Variants in MAPK14 observed in about 807,000 individuals in gnomAD.
MAPK14 encodes the protein mitogen-activated protein kinase 14.
Under a neutral mutation model 49.6 loss-of-function variants are expected in MAPK14, and 16 were observed. The ratio of observed to expected loss-of-function variants is 0.32; its 90% CI spans 0.22 to 0.49. MAPK14 has a LOEUF of 0.49. Ranked by LOEUF, MAPK14 falls within the 20% of genes least tolerant of loss-of-function variation. The pLI is 0.99. For synonymous variants in MAPK14, 142 were observed against 158.0 expected, an observed-to-expected ratio of 0.90 and a Z score of 0.76; for missense variants, 200 against 441.2, an observed-to-expected ratio of 0.45 and a Z score of 4.90.
intron 8 of MAPK14, among the ~76,000 whole-genome samples, chr6:36,086,384 A>G (rs1428831760): frequency 1.3e-5 from 2 of 152,202 alleles, no homozygotes; most frequent in African/African-American, 2.4e-5. Flanking sequence ...TATTTTGAAA[A>G]ACATAAAATA....
At chr6:36,101,680 AT>A (rs1244513760) in intron 9 of MAPK14, among the ~76,000 whole-genome samples, 1 of 151,770 alleles carries the variant, frequency 6.6e-6, no homozygotes, top group Non-Finnish European at 1.5e-5. Flanking sequence ...CACCTGGCTA[AT>A]TTTTTGTATT....
chr6:36,062,692 C>G (rs1181481086), intron 3 of MAPK14, among the ~76,000 whole-genome samples: 1 of 132,230 alleles, frequency 7.6e-6, no homozygotes, highest in African/African-American at 2.8e-5. Flanking sequence ...GAGTCTCGCT[C>G]TGTCACCCAG....
chr6:36,080,848 CTT>C (rs533883657), intron 8 of MAPK14, among the ~76,000 whole-genome samples: 1 of 142,856 alleles, frequency 7.0e-6, no homozygotes. Flanking sequence ...CAAACTTGTT[CTT>C]TTTTTTTTTT....
chr6:36,039,995 C>CAA (rs535039133), intron 1 of MAPK14, among the ~76,000 whole-genome samples: 1 of 81,706 alleles, frequency 1.2e-5, no homozygotes, highest in Non-Finnish European at 2.7e-5. Context: ...GACTCAGTCT[C>CAA]AAAAAAAAAA....
intron 3 of MAPK14, among the ~76,000 whole-genome samples, chr6:36,069,385 C>T (rs1014755383): frequency 6.6e-6 from 1 of 152,128 alleles, no homozygotes; most frequent in Non-Finnish European, 1.5e-5. Context: ...TTTTGAAAAT[C>T]TTTCTATATG....
intron 7 of MAPK14, 127 bp downstream of exon 7, chr6:36,076,089 C>G (rs926072864): frequency 1.9e-5 from 18 of 956,416 alleles, no homozygotes; most frequent in East Asian, 1.3e-4. Flanking sequence ...CCTTTTAAAG[C>G]CTGCAAGTAA....
the MAPK14 span, among the ~76,000 whole-genome samples, chr6:36,120,113 A>G: frequency 6.6e-6 from 1 of 152,160 alleles, no homozygotes; most frequent in Non-Finnish European, 1.5e-5. Context: ...TTGCTTGATC[A>G]ATCGGGGCCT....
At chr6:36,036,550 C>G (rs1303830177) in intron 1 of MAPK14, among the ~76,000 whole-genome samples, 2 of 151,710 alleles carry the variant, frequency 1.3e-5, no homozygotes, top group South Asian at 4.2e-4. Context: ...AGCAATTCAC[C>G]GTTGTCTTAT....
intron 3 of MAPK14, among the ~76,000 whole-genome samples, chr6:36,064,543 A>G (rs1044974396): frequency 6.6e-6 from 1 of 152,178 alleles, no homozygotes; most frequent in Non-Finnish European, 1.5e-5. Flanking sequence ...GGGAAGACCT[A>G]CAACAAGGCT....
chr6:36,107,727 G>C lies in MAPK14; in HGVS notation c.1015+99G>C, dbSNP rs1765841095. ...CATAACCAACTTGCTAAAGCTTGTA[G>C]ATGAGGTCTCTAATGCAGAATGAAT... On this transcript the variant is annotated intron_variant, in intron 11 of 11. Transcript: ENST00000229794. This position sits in a 1 kb window ranked among gnomAD's most constrained non-coding sequence, Gnocchi z 4.3. 1.3e-6 allele frequency: 1 copy of C among 786,898 alleles called. No individual in the cohort carries two copies. Among genetic ancestry groups the C allele is most frequent in the African/African-American group, 1.8e-5 (1 of 56,988 alleles). The allele number at this position is 786,898 out of a possible 1,614,324, so 48.7% of individuals were successfully genotyped here. A position where few individuals can be genotyped will look rare whatever the true frequency, so the allele number is the denominator to read the frequency against.
intron 1 of MAPK14, among the ~76,000 whole-genome samples, chr6:36,046,734 G>A (rs2127409980): frequency 6.6e-6 from 1 of 152,276 alleles, no homozygotes; most frequent in Non-Finnish European, 1.5e-5. Context: ...CCTGCCTTTT[G>A]CTGAATAGAT....
At chr6:36,118,378 G>C in the MAPK14 span, among the ~76,000 whole-genome samples, 2 of 152,182 alleles carry the variant, frequency 1.3e-5, no homozygotes, top group South Asian at 2.1e-4. Context: ...GGAGTTGTTC[G>C]TTGTTTTCAT....
Position 36,028,329 on chromosome 6 carries a change from G to C in MAPK14, c.116+56G>C, listed in dbSNP as rs1339562823. ...GGCAGGGTGGCCCCTCGCGCCCGAG[G>C]GCCAGGCCTGCTCCACTGCTCAGCG... On this transcript the variant is annotated intron_variant, in intron 1 of 11. Transcript: ENST00000229794. This position sits in a 1 kb window ranked among gnomAD's most constrained non-coding sequence, Gnocchi z 5.1. The C allele has an allele frequency of 1.6e-6, 2 of 1,247,626 alleles. No homozygotes were observed. The highest frequency in any genetic ancestry group is 2.4e-6 in the Non-Finnish European group (2 of 850,400). 77.3% of individuals were successfully genotyped at this position (1,247,626 alleles called of 1,614,324 possible).
At chr6:36,052,615 A>G in intron 1 of MAPK14, 84 bp from the exon 2 acceptor site, 1 of 1,324,686 alleles carries the variant, frequency 7.5e-7, no homozygotes. Flanking sequence ...AGACCCTTTA[A>G]TTTGGAAATA....
chr6:36,039,963 T>G lies in MAPK14; in HGVS notation c.116+11690T>G, dbSNP rs1180469161. Among the ~76,000 whole-genome samples, 3 of 144,714 alleles carry G rather than the reference T, an allele frequency of 2.1e-5. No homozygotes were observed. The Admixed American group carries it at 2.1e-4, about 10-fold the overall frequency. The allele number at this position is 144,714 out of a possible 152,430, so 94.9% of individuals were successfully genotyped here. Reference sequence around the variant, plus strand: ...GTGAGCCGAGATCACTCCCCTGCACTCCTGTCTGGGCGATAGAGCAAGACT... The same window carrying G: ...GTGAGCCGAGATCACTCCCCTGCACGCCTGTCTGGGCGATAGAGCAAGACT... On this transcript the variant is annotated intron_variant, in intron 1 of 11. Coordinates refer to ENST00000229794, the MANE Select transcript of MAPK14 (RefSeq NM_139012.3).
At position 36,109,552 on chromosome 6, in the gene MAPK14, G is replaced by T. The variant is rs201099404; in HGVS notation, c.*1105G>T. 1 of 152,756 alleles carries T rather than the reference G, an allele frequency of 6.5e-6. No individual in the cohort carries two copies. Among genetic ancestry groups the T allele is most frequent in the East Asian group, 1.9e-4 (1 of 5,190 alleles). 9.5% of individuals were successfully genotyped at this position (152,756 alleles called of 1,614,324 possible). On this transcript the variant is annotated 3_prime_UTR_variant, in exon 12 of 12. Transcript: ENST00000229794. ...TCTCTTCAGCCCCTAGTGCTATTCT[G>T]TGTTGAACACAATTGATACTTCAGG...
chr6:36,070,652 A>G (rs974211357), intron 3 of MAPK14, among the ~76,000 whole-genome samples: 3 of 152,226 alleles, frequency 2.0e-5, no homozygotes, highest in Non-Finnish European at 2.9e-5. Context: ...TTTTAAAAAT[A>G]TGAAATGCTA....
Position 36,107,242 on chromosome 6 carries a change from A to AAAT in MAPK14, c.842-211_842-210insTAA. On this transcript the variant is annotated intron_variant, in intron 10 of 11. Coordinates refer to ENST00000229794, the MANE Select transcript of MAPK14 (RefSeq NM_139012.3). The surrounding 1 kb of genome is among the most constrained non-coding windows in gnomAD (Gnocchi z 4.3). ...ACCCCCAAATCAAAAATAAAATAAA[A>AAAT]AAATTTTAAAACATAGAAAATACAG... Among the ~76,000 whole-genome samples the AAAT allele has an allele frequency of 1.4e-5, 2 of 145,530 alleles. No individual in the cohort carries two copies. The highest frequency in any genetic ancestry group is 4.4e-4 in the South Asian group (2 of 4,520).
At chr6:36,071,094 A>G (rs975407142) in intron 3 of MAPK14, among the ~76,000 whole-genome samples, 1 of 152,110 alleles carries the variant, frequency 6.6e-6, no homozygotes, top group African/African-American at 2.4e-5. Context: ...GCACTTTGGG[A>G]GGCCATGGTG....
Sources: allele counts gnomAD v4.1 joint callset (sites outside exome capture counted in the v4.1 genomes callset), GRCh38; gene constraint gnomAD v4.1.1; non-coding constraint Gnocchi (gnomAD v3.1); transcripts MANE v1.5; gene names NCBI Gene and HGNC (gene_info 2026-07-23, HGNC 2026-07-21).